Variants in CACNA1E observed in about 807,000 individuals in gnomAD.
CACNA1E encodes voltage-dependent R-type calcium channel subunit alpha-1E.
A neutral mutation model predicts 259.2 loss-of-function variants in CACNA1E; 40 were observed. The ratio of observed to expected loss-of-function variants is 0.15; its 90% CI spans 0.12 to 0.20. CACNA1E has a LOEUF of 0.20. Ranked by LOEUF, CACNA1E falls within the 10% of genes least tolerant of loss-of-function variation. The pLI, the probability that CACNA1E is intolerant of heterozygous loss-of-function variation, is 1.00. For missense variants in CACNA1E, 1,874 were observed against 3,040.1 expected (o/e 0.62, Z 9.02); for synonymous variants, 1,104 against 1,138.5 (o/e 0.97, Z 0.61).
chr1:181,775,618 G>A (rs1432860517), intron 37 of CACNA1E, among the ~76,000 whole-genome samples: 2 of 152,166 alleles, frequency 1.3e-5, no homozygotes, highest in Non-Finnish European at 2.9e-5. Flanking sequence ...ACCTGTTTTT[G>A]TATAGCCCAT....
At chr1:181,334,612 C>T (rs1360369029) in intron 1 of CACNA1E, among the ~76,000 whole-genome samples, 1 of 152,246 alleles carries the variant, frequency 6.6e-6, no homozygotes, top group Non-Finnish European at 1.5e-5. Context: ...CTCTCTTTCA[C>T]TCCCCACATC....
chr1:181,530,612 A>G (rs1300035433), intron 3 of CACNA1E, among the ~76,000 whole-genome samples: 1 of 152,232 alleles, frequency 6.6e-6, no homozygotes, highest in African/African-American at 2.4e-5. Context: ...TGAGATAGCA[A>G]TACTAGCTTA....
intron 45 of CACNA1E, among the ~76,000 whole-genome samples, chr1:181,794,037 C>G (rs1374203651): frequency 1.3e-5 from 2 of 152,168 alleles, no homozygotes; most frequent in Admixed American, 1.3e-4. Context: ...TAAACATTCT[C>G]AAGATTCAAC....
In CACNA1E at chr1:181,798,184, C is replaced by T; in HGVS notation, c.6400-108C>T. 1.1e-6 allele frequency: 1 copy of T among 888,892 alleles called. No homozygotes were observed. The highest frequency in any genetic ancestry group is 2.3e-5 in the Admixed American group (1 of 43,652). 55.1% of individuals were successfully genotyped at this position (888,892 alleles called of 1,614,324 possible). On this transcript the variant is annotated intron_variant, in intron 47 of 47. Coordinates refer to ENST00000367573, the MANE Select transcript of CACNA1E (RefSeq NM_001205293.3). This position sits in a 1 kb window ranked among gnomAD's most constrained non-coding sequence, Gnocchi z 4.2. Reference sequence around the variant, plus strand: ...GTGAATACTACAGGGAGCTCCAGCTCAGGCCTCTCCCTGACAGAATTCAGA... The same window carrying T: ...GTGAATACTACAGGGAGCTCCAGCTTAGGCCTCTCCCTGACAGAATTCAGA...
At chr1:181,700,843 C>T (rs1436974177) in intron 7 of CACNA1E, among the ~76,000 whole-genome samples, 2 of 152,184 alleles carry the variant, frequency 1.3e-5, no homozygotes, top group African/African-American at 4.8e-5. Flanking sequence ...GGTGCGTTAG[C>T]CCACGCCGAG....
At chr1:181,460,697 T>A (rs1661747028) in intron 2 of CACNA1E, among the ~76,000 whole-genome samples, 1 of 152,204 alleles carries the variant, frequency 6.6e-6, no homozygotes, top group Admixed American at 6.5e-5. Context: ...TCTGTTTAAT[T>A]CATTTACACT....
chr1:181,468,521 G>GTC (rs1269119786), intron 2 of CACNA1E, among the ~76,000 whole-genome samples: 1 of 152,144 alleles, frequency 6.6e-6, no homozygotes, highest in Non-Finnish European at 1.5e-5. Context: ...TAATAAACAT[G>GTC]TATTCAGAGT....
chr1:181,510,709 G>C, intron 2 of CACNA1E, 127 bp downstream of exon 2: 1 of 667,664 alleles, frequency 1.5e-6, no homozygotes, highest in South Asian at 1.7e-5. Flanking sequence ...TTTGCTGGGG[G>C]ACAAGCTAAT....
At chr1:181,712,623 G>C (rs1250320874) in intron 8 of CACNA1E, among the ~76,000 whole-genome samples, 7 of 152,150 alleles carry the variant, frequency 4.6e-5, no homozygotes, top group Non-Finnish European at 1.5e-5. Context: ...GACTATACTT[G>C]CATTTCGCCC....
intron 38 of CACNA1E, chr1:181,779,426 C>G: frequency 2.3e-6 from 1 of 439,302 alleles, no homozygotes; most frequent in Non-Finnish European, 4.6e-6. Context: ...ATTAACCCAC[C>G]TGTGCTTCCT....
At chr1:181,575,754 C>T (rs1344772538) in intron 3 of CACNA1E, among the ~76,000 whole-genome samples, 1 of 152,114 alleles carries the variant, frequency 6.6e-6, no homozygotes, top group African/African-American at 2.4e-5. Context: ...TGAAAGACAT[C>T]ATCATGAAAG....
At chr1:181,756,793 G>A in intron 29 of CACNA1E, 132 bp from the exon 30 acceptor site, 1 of 661,032 alleles carries the variant, frequency 1.5e-6, no homozygotes, top group Non-Finnish European at 2.7e-6. Flanking sequence ...ACTTGGGTTT[G>A]GACTCAAAAA....
rs544465429 is a variant in CACNA1E, at chr1:181,771,867, A to T, written c.4974-199A>T. ...CCCATAAAAGATGGAGACGCAGTGG[A>T]TGGGGTAGCAGAACCCAAAACAGAC... On this transcript the variant is annotated intron_variant, in intron 36 of 47. Transcript: ENST00000367573. Among the ~76,000 whole-genome samples the T allele has an allele frequency of 6.6e-5, 10 of 152,288 alleles. No homozygotes were observed. In the South Asian group the frequency reaches 2.1e-3, roughly 32 times the overall value.
upstream of CACNA1E, among the ~76,000 whole-genome samples, chr1:181,480,314 G>A (rs1411000986): frequency 6.6e-6 from 1 of 152,148 alleles, no homozygotes; most frequent in Non-Finnish European, 1.5e-5. Flanking sequence ...AGCCATTTAT[G>A]CCATTATGTT....
intron 25 of CACNA1E, among the ~76,000 whole-genome samples, chr1:181,748,109 G>A (rs78989727): frequency 7.7e-4 from 117 of 152,298 alleles, no homozygotes; most frequent in African/African-American, 2.6e-3. Context: ...TGAAAGATGC[G>A]TAGAGCAATG....
chr1:181,762,910 G>A (rs939708057), intron 33 of CACNA1E, among the ~76,000 whole-genome samples: 5 of 152,150 alleles, frequency 3.3e-5, no homozygotes, highest in Admixed American at 1.3e-4. Flanking sequence ...TGGGATAGAC[G>A]GTGTCAGAAG....
intron 2 of CACNA1E, among the ~76,000 whole-genome samples, chr1:181,470,119 G>C (rs1391460340): frequency 6.6e-6 from 1 of 151,974 alleles, no homozygotes; most frequent in African/African-American, 2.4e-5. Context: ...GCGAGAGAGA[G>C]AGCACGAGAG....
At chr1:181,546,713 G>A (rs1647515982) in intron 3 of CACNA1E, among the ~76,000 whole-genome samples, 1 of 152,180 alleles carries the variant, frequency 6.6e-6, no homozygotes, top group Non-Finnish European at 1.5e-5. Context: ...TGCAGACAGT[G>A]CACATTCATC....
At chr1:181,471,961 T>C (rs972144615) in intron 2 of CACNA1E, among the ~76,000 whole-genome samples, 1 of 152,134 alleles carries the variant, frequency 6.6e-6, no homozygotes, top group African/African-American at 2.4e-5. Flanking sequence ...CTCATGTTCA[T>C]TGCAGCATTA....
Sources: gnomAD v4.1 joint callset for allele counts (sites outside exome capture counted in the v4.1 genomes callset) on GRCh38, gnomAD v4.1.1 for gene constraint, Gnocchi (gnomAD v3.1) non-coding constraint, MANE v1.5 for transcripts, NCBI Gene and HGNC (gene_info 2026-07-23, HGNC 2026-07-21) for gene names.